CCDC6: variants seen among roughly 807,000 people sequenced by gnomAD.
CCDC6 encodes coiled-coil domain-containing protein 6.
CCDC6 carries 20 observed loss-of-function variants against 56.6 expected under a neutral mutation model. That is an observed-to-expected ratio of 0.35 (90% CI 0.25 to 0.51). CCDC6 has a LOEUF of 0.51. Ranked by LOEUF, CCDC6 falls within the 20% of genes least tolerant of loss-of-function variation. The pLI, the probability that CCDC6 is intolerant of heterozygous loss-of-function variation, is 0.95. For synonymous variants in CCDC6, 241 were observed against 234.4 expected (o/e 1.03, Z -0.26); for missense variants, 367 against 601.1 (o/e 0.61, Z 4.07).
In CCDC6 at chr10:59,804,406, A is replaced by C; in HGVS notation, c.1105+14T>G. 4 of 1,527,284 alleles carry C rather than the reference A, an allele frequency of 2.6e-6. No individual in the cohort carries two copies. Among genetic ancestry groups the C allele is most frequent in the Non-Finnish European group, 3.6e-6 (4 of 1,100,802 alleles). 94.6% of individuals were successfully genotyped at this position (1,527,284 alleles called of 1,614,324 possible). A position where few individuals can be genotyped will look rare whatever the true frequency, so the allele number is the denominator to read the frequency against. On this transcript the variant is annotated intron_variant, in intron 7 of 8. Coordinates refer to ENST00000263102, the MANE Select transcript of CCDC6 (RefSeq NM_005436.5). ...AGGAATCAGTCACTGAAATAGCCAAAGACATATGCTCACCAGGTGATATAG... is the reference window on the plus strand; with the variant it reads ...AGGAATCAGTCACTGAAATAGCCAACGACATATGCTCACCAGGTGATATAG...
intron 1 of CCDC6, among the ~76,000 whole-genome samples, chr10:59,858,348 T>G (rs2071096494): frequency 6.6e-6 from 1 of 152,180 alleles, no homozygotes. Context: ...TTCATATTAT[T>G]TACTCCATTC....
At chr10:59,802,813 TTC>T (rs1275327518) in intron 7 of CCDC6, among the ~76,000 whole-genome samples, 2 of 152,230 alleles carry the variant, frequency 1.3e-5, no homozygotes, top group African/African-American at 4.8e-5. Flanking sequence ...CTGACATTTG[TTC>T]TTTTTCTTTT....
rs527473464 is a variant in CCDC6, at chr10:59,789,702, T to C, written c.*3215A>G. On this transcript the variant is annotated 3_prime_UTR_variant, in exon 9 of 9. Coordinates refer to ENST00000263102, the MANE Select transcript of CCDC6 (RefSeq NM_005436.5). ...GATCAAGTTACACAGAAATATTTCT[T>C]CTGTACTGATAAGATACAAATATTG... The C allele has an allele frequency of 4.5e-6, 1 of 222,890 alleles. No homozygotes were observed. Among genetic ancestry groups the C allele is most frequent in the African/African-American group, 2.2e-5 (1 of 44,874 alleles). 13.8% of individuals were successfully genotyped at this position (222,890 alleles called of 1,614,324 possible).
intron 1 of CCDC6, among the ~76,000 whole-genome samples, chr10:59,869,270 C>T (rs924821952): frequency 5.9e-5 from 9 of 151,812 alleles, no homozygotes; most frequent in African/African-American, 2.2e-4. Flanking sequence ...ACTTAACCAA[C>T]TGCCAACCTG....
intron 1 of CCDC6, among the ~76,000 whole-genome samples, chr10:59,862,562 T>TACACAC (rs1360725553): frequency 9.8e-6 from 1 of 101,940 alleles, no homozygotes; most frequent in Non-Finnish European, 1.9e-5. Context: ...CACACATATA[T>TACACAC]ATACACATAC....
At chr10:59,842,868 C>T (rs780017460) in intron 2 of CCDC6, among the ~76,000 whole-genome samples, 8 of 151,852 alleles carry the variant, frequency 5.3e-5, no homozygotes, top group Non-Finnish European at 1.2e-4. Flanking sequence ...ATTCTCCTGC[C>T]TCAACCTCCC....
chr10:59,876,069 A>ATTTTTT lies in CCDC6; in HGVS notation c.304-23368_304-23367insAAAAAA, dbSNP rs1564754315. On this transcript the variant is annotated intron_variant, in intron 1 of 8. Transcript: ENST00000263102. ...CACACATACACGAGTGCATGCACAG[A>ATTTTTT]TGTCTTTTTTTTTTTTTTTTTTCAG... 2.2e-4 allele frequency among the ~76,000 whole-genome samples: 2 copies of ATTTTTT among 9,218 alleles called. 1 individual carries two copies. The highest frequency in any genetic ancestry group is 3.9e-4 in the Non-Finnish European group (2 of 5,138). The allele number at this position is 9,218 out of a possible 152,430, so 6.0% of individuals were successfully genotyped here.
rs139093761 is a variant in CCDC6, at chr10:59,834,109, C to T, written c.454-1456G>A. 3.8e-4 allele frequency among the ~76,000 whole-genome samples: 58 copies of T among 152,226 alleles called. 1 individual carries two copies. The highest frequency in any genetic ancestry group is 1.4e-3 in the African/African-American group (57 of 41,542). On this transcript the variant is annotated intron_variant, in intron 2 of 8. Transcript: ENST00000263102. ...GGGGATGCAACGTTTCTTTGTAAACCCTCCTTAGGGTGGAGTGGACAACTG... is the reference window on the plus strand; with the variant it reads ...GGGGATGCAACGTTTCTTTGTAAACTCTCCTTAGGGTGGAGTGGACAACTG...
At chr10:59,857,710 T>C (rs571281994) in intron 1 of CCDC6, among the ~76,000 whole-genome samples, 13 of 152,304 alleles carry the variant, frequency 8.5e-5, no homozygotes, top group African/African-American at 3.1e-4. Flanking sequence ...TTAAGTTAGT[T>C]GATGACTTGT....
intron 3 of CCDC6, among the ~76,000 whole-genome samples, chr10:59,816,097 T>G (rs926873632): frequency 5.9e-5 from 9 of 152,202 alleles, no homozygotes; most frequent in Non-Finnish European, 7.4e-5. Context: ...AGCAAAAGAC[T>G]TGCCCATATT....
At chr10:59,806,140 G>C (rs530609547) in intron 6 of CCDC6, among the ~76,000 whole-genome samples, 128 of 152,320 alleles carry the variant, frequency 8.4e-4, no homozygotes, top group African/African-American at 3.0e-3. Flanking sequence ...TTGCAGAAAT[G>C]ATCTGGTTCA....
chr10:59,811,690 T>C (rs1472011597), intron 5 of CCDC6, among the ~76,000 whole-genome samples: 1 of 152,118 alleles, frequency 6.6e-6, no homozygotes, highest in African/African-American at 2.4e-5. Context: ...TCAGGTCCTG[T>C]AGTCAGCCCT....
At chr10:59,834,394 CAAAT>C (rs746804813) in intron 2 of CCDC6, among the ~76,000 whole-genome samples, 9 of 151,432 alleles carry the variant, frequency 5.9e-5, no homozygotes, top group African/African-American at 9.7e-5. Flanking sequence ...AACAAACAAA[CAAAT>C]AAATAAATAA....
intron 1 of CCDC6, among the ~76,000 whole-genome samples, chr10:59,869,389 CAAAA>C (rs1167007522): frequency 1.6e-4 from 1 of 6,096 alleles, no homozygotes; most frequent in African/African-American, 4.5e-4. Flanking sequence ...CTTGCTCAGG[CAAAA>C]AAAAAAAAAA....
At chr10:59,828,974 A>C in intron 3 of CCDC6, among the ~76,000 whole-genome samples, 1 of 152,200 alleles carries the variant, frequency 6.6e-6, no homozygotes, top group East Asian at 1.9e-4. Flanking sequence ...AGAACCATTT[A>C]TAGCCCATAG....
At chr10:59,862,854 C>CT (rs1330757425) in intron 1 of CCDC6, among the ~76,000 whole-genome samples, 1 of 152,038 alleles carries the variant, frequency 6.6e-6, no homozygotes, top group Non-Finnish European at 1.5e-5. Flanking sequence ...TTTTTGTACT[C>CT]TACTATGTAG....
chr10:59,844,829 C>T (rs999449665), intron 2 of CCDC6, among the ~76,000 whole-genome samples: 8 of 151,492 alleles, frequency 5.3e-5, no homozygotes, highest in Non-Finnish European at 1.2e-4. Context: ...TAAAAACTGG[C>T]ATTTTCTCCT....
At chr10:59,809,293 C>G (rs997058064) in intron 5 of CCDC6, among the ~76,000 whole-genome samples, 36 of 152,248 alleles carry the variant, frequency 2.4e-4, no homozygotes, top group Non-Finnish European at 4.7e-4. Context: ...TAGTGAGGCT[C>G]CAAGAACAAT....
intron 5 of CCDC6, among the ~76,000 whole-genome samples, chr10:59,808,067 C>G (rs530805320): frequency 6.6e-6 from 1 of 152,266 alleles, no homozygotes; most frequent in Non-Finnish European, 1.5e-5. Flanking sequence ...CAGGTGAAGT[C>G]CTGTATATAG....
Sources: gnomAD v4.1 joint callset for allele counts (sites outside exome capture counted in the v4.1 genomes callset) on GRCh38, gnomAD v4.1.1 for gene constraint, MANE v1.5 for transcripts, NCBI Gene and HGNC (gene_info 2026-07-23, HGNC 2026-07-21) for gene names.